Variants in ZNF697 observed in about 807,000 individuals in gnomAD.
ZNF697 encodes the protein zinc finger protein 697.
ZNF697 carries 23 observed loss-of-function variants against 32.4 expected under a neutral mutation model. The ratio of observed to expected loss-of-function variants is 0.71; its 90% CI spans 0.51 to 1.01. The LOEUF (loss-of-function observed/expected upper bound fraction) is 1.01, where lower values mean the gene tolerates loss of function less well. Among genes scored for constraint, ZNF697 ranks in the 50% least tolerant of loss-of-function variants. The pLI, the probability that ZNF697 is intolerant of heterozygous loss-of-function variation, is 0.00. For missense variants in ZNF697, 930 were observed against 794.0 expected, an observed-to-expected ratio of 1.17 and a Z score of -2.06; for synonymous variants, 418 against 337.2, an observed-to-expected ratio of 1.24 and a Z score of -2.62.
In ZNF697 at chr1:119,623,292, G is replaced by A. The variant is rs1344986442; in HGVS notation, c.1051C>T (p.Arg351Trp). Reference protein sequence around the residue: ...AASGAGAAALRPFACGECGKG... With the variant: ...AASGAGAAALWPFACGECGKG... ...CCGCACTCCCCGCAGGCGAAGGGCC[G>A]CAGCGCCGCCGCCCCCGCGCCGCTG... The change falls in exon 3 of 3, where the codon CGG becomes TGG. Residue 351 changes from arginine to tryptophan, a missense_variant. Coordinates refer to ENST00000421812, the MANE Select transcript of ZNF697 (RefSeq NM_001080470.2). 3.6e-6 allele frequency: 5 copies of A among 1,405,964 alleles called. No homozygotes were observed. The highest frequency in any genetic ancestry group is 4.6e-6 in the Non-Finnish European group (5 of 1,084,412). 87.1% of individuals were successfully genotyped at this position (1,405,964 alleles called of 1,614,324 possible).
intron 1 of ZNF697, among the ~76,000 whole-genome samples, chr1:119,647,290 G>A (rs1198944128): frequency 6.6e-6 from 1 of 152,068 alleles, no homozygotes; most frequent in Non-Finnish European, 1.5e-5. Flanking sequence ...GCACAATCCT[G>A]AGCCTCGGCA....
Position 119,622,599 on chromosome 1 carries a change from TCA to T in ZNF697, c.*104_*105del, listed in dbSNP as rs969246655. The T allele has an allele frequency of 1.4e-5, 20 of 1,429,380 alleles. No homozygotes were observed. Among genetic ancestry groups the T allele is most frequent in the African/African-American group, 2.9e-5 (2 of 69,612 alleles). 88.5% of individuals were successfully genotyped at this position (1,429,380 alleles called of 1,614,324 possible). On this transcript the variant is annotated 3_prime_UTR_variant, in exon 3 of 3. Coordinates refer to ENST00000421812, the MANE Select transcript of ZNF697 (RefSeq NM_001080470.2). Reference sequence around the variant, plus strand: ...AACACCAAAGGCTCCCCAGTCACTCTCAGATTGTCCCTCCCGCCCCTTCCCCA... The same window carrying T: ...AACACCAAAGGCTCCCCAGTCACTCTGATTGTCCCTCCCGCCCCTTCCCCA...
chr1:119,647,955 C>G lies in ZNF697; in HGVS notation c.-302G>C, dbSNP rs892509522. On this transcript the variant is annotated 5_prime_UTR_variant, in exon 1 of 3. Transcript: ENST00000421812. ...TCCACTTTACGAGGCACAACTTCGC[C>G]CAGCCGTTCCGCCACCGCACTCGAA... Among the ~76,000 whole-genome samples, 2 of 152,230 alleles carry G rather than the reference C, an allele frequency of 1.3e-5. No homozygotes were observed. Among genetic ancestry groups the G allele is most frequent in the Non-Finnish European group, 2.9e-5 (2 of 68,032 alleles).
chr1:119,645,539 G>T (rs1405595313), intron 1 of ZNF697, among the ~76,000 whole-genome samples: 1 of 152,142 alleles, frequency 6.6e-6, no homozygotes, highest in African/African-American at 2.4e-5. Flanking sequence ...GCAAGCATGG[G>T]GTTCAACCGG....
chr1:119,645,636 G>A (rs1649180124), intron 1 of ZNF697, among the ~76,000 whole-genome samples: 1 of 152,166 alleles, frequency 6.6e-6, no homozygotes. Context: ...AATTGGGGTG[G>A]CACAGGTCCA....
At chr1:119,638,270 ACT>A (rs896015083) in intron 1 of ZNF697, among the ~76,000 whole-genome samples, 3 of 152,186 alleles carry the variant, frequency 2.0e-5, no homozygotes, top group Non-Finnish European at 4.4e-5. Context: ...TCACCACCAC[ACT>A]CTCACAGTTT....
rs1423335483 is a variant in ZNF697 at position 119,648,161 on chromosome 1, G to A, written c.-508C>T. ...AGCGCGTCTGCCCTTGTGCGGCGGC[G>A]GCGGCTGCAGCGGCCGCTGGGTGGC... On this transcript the variant is annotated 5_prime_UTR_variant, in exon 1 of 3. Transcript: ENST00000421812. Among the ~76,000 whole-genome samples the A allele has an allele frequency of 2.6e-5, 4 of 151,936 alleles. No homozygotes were observed. Among genetic ancestry groups the A allele is most frequent in the African/African-American group, 9.7e-5 (4 of 41,412 alleles).
rs1214532285 is a variant in ZNF697, at chr1:119,621,904, T to A, written c.*801A>T. On this transcript the variant is annotated 3_prime_UTR_variant, in exon 3 of 3. Coordinates refer to ENST00000421812, the MANE Select transcript of ZNF697 (RefSeq NM_001080470.2). Reference sequence around the variant, plus strand: ...GTTGAGACCTGAAAGAAATACTGGGTGTGGCACACACCTGGGATGGGCGAG... The same window carrying A: ...GTTGAGACCTGAAAGAAATACTGGGAGTGGCACACACCTGGGATGGGCGAG... 1.5e-5 allele frequency: 2 copies of A among 135,430 alleles called. No individual in the cohort carries two copies. Among genetic ancestry groups the A allele is most frequent in the Admixed American group, 7.4e-5 (1 of 13,424 alleles). 8.4% of individuals were successfully genotyped at this position (135,430 alleles called of 1,614,324 possible).
rs186762688 is a variant in ZNF697 at position 119,633,541 on chromosome 1, T to C, written c.-37-7404A>G. Among the ~76,000 whole-genome samples, 143 of 152,358 alleles carry C rather than the reference T, an allele frequency of 9.4e-4. 2 individuals carry two copies. Among genetic ancestry groups the C allele is most frequent in the Admixed American group, 9.3e-3 (142 of 15,308 alleles). On this transcript the variant is annotated intron_variant, in intron 1 of 2. Transcript: ENST00000421812. ...CAGAAGATTCCTCTGAAGATCAGTC[T>C]GTTTGTTCTATTCAGGTTTCAGCTG...
At chr1:119,631,761 G>A (rs1243257523) in intron 1 of ZNF697, among the ~76,000 whole-genome samples, 4 of 152,130 alleles carry the variant, frequency 2.6e-5, no homozygotes, top group Non-Finnish European at 4.4e-5. Context: ...GCTCCCACTC[G>A]GGCCTCCAGA....
chr1:119,632,262 A>T (rs1296305329), intron 1 of ZNF697, among the ~76,000 whole-genome samples: 2 of 152,190 alleles, frequency 1.3e-5, no homozygotes, highest in East Asian at 3.9e-4. Flanking sequence ...TGGCAGGCGA[A>T]CTTCCCCTCA....
chr1:119,623,417 C>A lies in ZNF697; in HGVS notation c.926G>T (p.Arg309Leu). The A allele has an allele frequency of 6.5e-7, 1 of 1,528,454 alleles. No individual in the cohort carries two copies. 94.7% of individuals were successfully genotyped at this position (1,528,454 alleles called of 1,614,324 possible). The change falls in exon 3 of 3, where the codon CGC becomes CTC. Residue 309 changes from arginine (R) to leucine (L), a missense_variant. Transcript: ENST00000421812. ...GTAGGGCTTCTCGCCCGTGTGCAGG[C>A]GCCGGTGCTTGAGCAGGTCGGCGCG... ...SWRADLLKHRRLHTGEKPYPC... is the reference protein window; with the variant it reads ...SWRADLLKHRLLHTGEKPYPC...
rs587771320 is a variant in ZNF697, at chr1:119,638,183, T to G, written c.-38+9508A>C. ...TTATATTTTCTCCTGCAATGCCATT[T>G]TTTGGCCAAATAAATCTTACAGGCT... On this transcript the variant is annotated intron_variant, in intron 1 of 2. Transcript: ENST00000421812. Among the ~76,000 whole-genome samples the G allele has an allele frequency of 6.5e-4, 99 of 152,332 alleles. No individual in the cohort carries two copies. In the South Asian group the frequency reaches 0.02, roughly 31 times the overall value.
chr1:119,621,076 A>T lies in ZNF697; in HGVS notation c.*1629T>A, dbSNP rs1205691664. Reference sequence around the variant, plus strand: ...AGTCATCTAACTACAGCCCCTTACTAGAAATGGAACATAGCTAGGATACCC... The same window carrying T: ...AGTCATCTAACTACAGCCCCTTACTTGAAATGGAACATAGCTAGGATACCC... On this transcript the variant is annotated 3_prime_UTR_variant, in exon 3 of 3. Transcript: ENST00000421812. 6.6e-6 allele frequency: 1 copy of T among 152,248 alleles called. No individual in the cohort carries two copies. Among genetic ancestry groups the T allele is most frequent in the Non-Finnish European group, 1.5e-5 (1 of 68,038 alleles). 9.4% of individuals were successfully genotyped at this position (152,248 alleles called of 1,614,324 possible).
At chr1:119,633,395 T>TAGAG (rs1212878397) in intron 1 of ZNF697, among the ~76,000 whole-genome samples, 17 of 143,704 alleles carry the variant, frequency 1.2e-4, no homozygotes, top group South Asian at 4.4e-4. Context: ...TGTGTGTGTA[T>TAGAG]AGAGAGAGAG....
At chr1:119,626,262 T>C in intron 1 of ZNF697, 125 bp from the exon 2 acceptor site, 1 of 1,261,774 alleles carries the variant, frequency 7.9e-7, no homozygotes, top group Non-Finnish European at 1.1e-6. Flanking sequence ...AAACCTCCAC[T>C]TCACTCCACA....
Position 119,622,480 on chromosome 1 carries a change from G to T in ZNF697, c.*225C>A. The T allele has an allele frequency of 1.3e-6, 1 of 776,944 alleles. No homozygotes were observed. 48.1% of individuals were successfully genotyped at this position (776,944 alleles called of 1,614,324 possible). A position where few individuals can be genotyped will look rare whatever the true frequency, so the allele number is the denominator to read the frequency against. ...ATTTAAGGAAGTCATCACCCCAAGC[G>T]CATCTCCTGAACAATTCTTCCGTGG... is the stretch of plus-strand genomic sequence containing the variant. On this transcript the variant is annotated 3_prime_UTR_variant, in exon 3 of 3. Coordinates refer to ENST00000421812, the MANE Select transcript of ZNF697 (RefSeq NM_001080470.2).
chr1:119,626,379 ATCT>A (rs1648591673), intron 1 of ZNF697, among the ~76,000 whole-genome samples: 3 of 152,276 alleles, frequency 2.0e-5, no homozygotes, highest in Admixed American at 2.0e-4. Flanking sequence ...CCAAATCTTG[ATCT>A]TCTGGCTATG....
At chr1:119,632,222 C>G (rs978117769) in intron 1 of ZNF697, among the ~76,000 whole-genome samples, 1 of 152,188 alleles carries the variant, frequency 6.6e-6, no homozygotes, top group Non-Finnish European at 1.5e-5. Flanking sequence ...GGGGTAAGCA[C>G]CTTACACAGA....
Sources: allele counts gnomAD v4.1 joint callset (sites outside exome capture counted in the v4.1 genomes callset), GRCh38; gene constraint gnomAD v4.1.1; transcripts MANE v1.5; gene names NCBI Gene and HGNC (gene_info 2026-07-23, HGNC 2026-07-21).